DGKB: variants seen among roughly 807,000 people sequenced by gnomAD.
The protein encoded by DGKB is diacylglycerol kinase beta, also known as 90 kDa diacylglycerol kinase.
In DGKB, 67 loss-of-function variants were observed where a neutral mutation model predicts 114.3. That is an observed-to-expected ratio of 0.59 (90% CI 0.48 to 0.72). The LOEUF (loss-of-function observed/expected upper bound fraction) is 0.72. Ranked by LOEUF, DGKB falls within the 30% of genes least tolerant of loss-of-function variation. DGKB has a pLI of 0.00. For missense variants in DGKB, 907 were observed against 975.2 expected, an observed-to-expected ratio of 0.93 and a Z score of 0.93; for synonymous variants, 398 against 323.1, an observed-to-expected ratio of 1.23 and a Z score of -2.49.
At chr7:14,732,830 T>C (rs1831119057) in intron 5 of DGKB, among the ~76,000 whole-genome samples, 1 of 152,172 alleles carries the variant, frequency 6.6e-6, no homozygotes, top group African/African-American at 2.4e-5. Context: ...GTAGATAATA[T>C]AGGCTATTAG....
At chr7:14,602,898 T>G (rs10236011) in intron 17 of DGKB, among the ~76,000 whole-genome samples, 7 of 152,074 alleles carry the variant, frequency 4.6e-5, no homozygotes, top group African/African-American at 1.7e-4. Context: ...TGATAGGCAA[T>G]AATCTTTAAA....
chr7:14,313,282 A>T (rs1290155328), intron 23 of DGKB, among the ~76,000 whole-genome samples: 1 of 152,184 alleles, frequency 6.6e-6, no homozygotes, highest in East Asian at 1.9e-4. Flanking sequence ...AAGATGGCCG[A>T]ATAGGAACAG....
In DGKB at chr7:14,561,984, G is replaced by A. The variant is rs1006152029; in HGVS notation, c.1770+12228C>T. 7.2e-5 allele frequency among the ~76,000 whole-genome samples: 11 copies of A among 152,248 alleles called. No homozygotes were observed. The East Asian group carries it at 1.9e-3, about 27-fold the overall frequency. ...TCATCACAGGCCTGGGGGCCTTGGAGGAAAAAATGGTTTTATGGGCTGGGC... is the reference window on the plus strand; with the variant it reads ...TCATCACAGGCCTGGGGGCCTTGGAAGAAAAAATGGTTTTATGGGCTGGGC... On this transcript the variant is annotated intron_variant, in intron 20 of 25. Coordinates refer to ENST00000402815, the MANE Select transcript of DGKB (RefSeq NM_001350709.2).
At chr7:14,472,331 G>GA (rs1781541206) in intron 21 of DGKB, among the ~76,000 whole-genome samples, 1 of 152,242 alleles carries the variant, frequency 6.6e-6, no homozygotes, top group Non-Finnish European at 1.5e-5. Context: ...GTTCTGTAAG[G>GA]AGGAGTTTCC....
intron 20 of DGKB, among the ~76,000 whole-genome samples, chr7:14,495,946 G>T (rs1343066931): frequency 2.0e-5 from 3 of 151,772 alleles, no homozygotes; most frequent in Admixed American, 6.6e-5. Context: ...CAAGCTTCAG[G>T]CTACTGTTAA....
Position 14,580,875 on chromosome 7 carries a change from C to T in DGKB, c.1596G>A (p.Leu532=), listed in dbSNP as rs753333354. 42 of 1,603,252 alleles carry T rather than the reference C, an allele frequency of 2.6e-5. No individual in the cohort carries two copies. Among genetic ancestry groups the T allele is most frequent in the Non-Finnish European group, 3.6e-5 (42 of 1,172,676 alleles). Residue 532 remains leucine, a synonymous_variant, in exon 19 of 26, where the codon CTG becomes CTA. Coordinates refer to ENST00000402815, the MANE Select transcript of DGKB (RefSeq NM_001350709.2). The part of the protein sequence containing the change: ...LGTGNDLARC[L]RWGGGYEGEN... ...CAGCTGCTTTACCTCCTCCCCATCG[C>T]AGGCATCTTGCTAGATCATTGCCAG...
At chr7:14,714,411 A>C (rs1266457690) in intron 6 of DGKB, among the ~76,000 whole-genome samples, 1 of 152,118 alleles carries the variant, frequency 6.6e-6, no homozygotes, top group Non-Finnish European at 1.5e-5. Flanking sequence ...CAAACTGTGG[A>C]GTCAGATCGG....
intron 20 of DGKB, among the ~76,000 whole-genome samples, chr7:14,506,816 C>A (rs1787152115): frequency 6.6e-6 from 1 of 152,080 alleles, no homozygotes; most frequent in African/African-American, 2.4e-5. Context: ...TCCTTGATAC[C>A]CTGTAATTTG....
intron 1 of DGKB, among the ~76,000 whole-genome samples, chr7:14,948,716 C>T (rs1369833038): frequency 2.0e-5 from 3 of 151,830 alleles, no homozygotes; most frequent in African/African-American, 7.2e-5. Context: ...TTCTCTATTA[C>T]ATTTAGTAAA....
At chr7:14,761,339 A>G (rs1032452614) in intron 2 of DGKB, among the ~76,000 whole-genome samples, 1 of 152,134 alleles carries the variant, frequency 6.6e-6, no homozygotes, top group African/African-American at 2.4e-5. Context: ...AATTATCTAC[A>G]TGTCTTCTTG....
At position 14,695,501 on chromosome 7, in the gene DGKB, T is replaced by TA. The variant is rs1563935287; in HGVS notation, c.592-1308_592-1307insT. On this transcript the variant is annotated intron_variant, in intron 8 of 25. Coordinates refer to ENST00000402815, the MANE Select transcript of DGKB (RefSeq NM_001350709.2). ...ATTTCTCTCTCTCTCTCTCTTTTTT[T>TA]TTTTTTTTTTTTTTTTGAGATGGAG... Among the ~76,000 whole-genome samples, 834 of 120,992 alleles carry TA rather than the reference T, an allele frequency of 6.9e-3. 15 individuals are homozygous for TA. The highest frequency in any genetic ancestry group is 0.025 in the African/African-American group (775 of 30,616). The allele number at this position is 120,992 out of a possible 152,430, so 79.4% of individuals were successfully genotyped here.
intron 13 of DGKB, among the ~76,000 whole-genome samples, chr7:14,641,654 C>T (rs906419712): frequency 6.6e-6 from 1 of 152,158 alleles, no homozygotes; most frequent in African/African-American, 2.4e-5. Context: ...TCATTTGTGA[C>T]TTTTATTATA....
At chr7:14,831,658 T>C (rs1486578049) in intron 2 of DGKB, among the ~76,000 whole-genome samples, 1 of 152,052 alleles carries the variant, frequency 6.6e-6, no homozygotes, top group Admixed American at 6.6e-5. Flanking sequence ...ATACAGTTCT[T>C]TGTCTCAGAG....
intron 23 of DGKB, among the ~76,000 whole-genome samples, chr7:14,261,877 T>C (rs1024008874): frequency 4.6e-5 from 7 of 152,208 alleles, no homozygotes; most frequent in African/African-American, 1.7e-4. Context: ...CAATTGGCAT[T>C]AAATGTCATT....
At chr7:14,428,871 G>A (rs947675940) in intron 21 of DGKB, among the ~76,000 whole-genome samples, 2 of 152,054 alleles carry the variant, frequency 1.3e-5, no homozygotes, top group Non-Finnish European at 2.9e-5. Flanking sequence ...GAAAAGAGCA[G>A]AGAACATTCC....
chr7:14,347,670 ATAAG>A (rs1812712063), intron 21 of DGKB, among the ~76,000 whole-genome samples: 1 of 151,996 alleles, frequency 6.6e-6, no homozygotes, highest in South Asian at 2.1e-4. Flanking sequence ...CAGTTATAAG[ATAAG>A]TAAGTTTTGG....
At chr7:14,852,487 C>CAAAAACAAACAAAAAAAAA (rs1554304205) in intron 1 of DGKB, among the ~76,000 whole-genome samples, 1 of 63,636 alleles carries the variant, frequency 1.6e-5, no homozygotes, top group African/African-American at 6.7e-5. Flanking sequence ...TAGTGAAAGT[C>CAAAAACAAACAAAAAAAAA]AAAAAAAAAA....
rs139440234 is a variant in DGKB at position 14,372,291 on chromosome 7, T to A, written c.1836-26900A>T. On this transcript the variant is annotated intron_variant, in intron 21 of 25. Transcript: ENST00000402815. ...ACTGGGGTGTCCTTCATGGTTCTGG[T>A]TGATTCCTTTTTTCCTTCTTGAATT... Among the ~76,000 whole-genome samples the A allele has an allele frequency of 1.1e-4, 16 of 152,282 alleles. No individual in the cohort carries two copies. The East Asian group carries it at 2.9e-3, about 28-fold the overall frequency.
chr7:14,668,223 A>T (rs1167139513), intron 13 of DGKB, among the ~76,000 whole-genome samples: 1 of 152,136 alleles, frequency 6.6e-6, no homozygotes, highest in Non-Finnish European at 1.5e-5. Context: ...AGGCTGGTAT[A>T]CAAGACAGTC....
Sources: allele counts gnomAD v4.1 joint callset (sites outside exome capture counted in the v4.1 genomes callset), GRCh38; gene constraint gnomAD v4.1.1; transcripts MANE v1.5; gene names NCBI Gene and HGNC (gene_info 2026-07-23, HGNC 2026-07-21).